The following NRXN1 variants were observed in gnomAD, a reference collection of about 807,000 sequenced individuals.
The protein encoded by NRXN1 is neurexin-1.
In NRXN1, 39 loss-of-function variants were observed where a neutral mutation model predicts 150.9. That is an observed-to-expected ratio of 0.26 (90% CI 0.20 to 0.34). NRXN1 has a LOEUF of 0.34. Ranked by LOEUF, NRXN1 falls within the 10% of genes least tolerant of loss-of-function variation. The probability of loss-of-function intolerance (pLI) is 1.00; values close to 1 mark genes in which losing one functional copy is unlikely to be tolerated. For synonymous variants in NRXN1, 924 were observed against 757.0 expected, an observed-to-expected ratio of 1.22 and a Z score of -3.62; for missense variants, 1,815 against 1,949.9, an observed-to-expected ratio of 0.93 and a Z score of 1.30.
In NRXN1 at chr2:50,284,143, C is replaced by A. The variant is rs79492194; in HGVS notation, c.3365-47173G>T. ...CTTTCTCTTGGAAATTATGGTGATTCTCTGACATAACACTGGTACAGTGAC... is the reference window on the plus strand; with the variant it reads ...CTTTCTCTTGGAAATTATGGTGATTATCTGACATAACACTGGTACAGTGAC... On this transcript the variant is annotated intron_variant, in intron 17 of 22. Transcript: ENST00000401669. 7.5e-3 allele frequency among the ~76,000 whole-genome samples: 1,136 copies of A among 152,298 alleles called. 4 individuals carry two copies. Among genetic ancestry groups the A allele is most frequent in the Non-Finnish European group, 0.012 (801 of 68,014 alleles).
intron 2 of NRXN1, among the ~76,000 whole-genome samples, chr2:50,941,027 C>T (rs983543530): frequency 2.6e-5 from 4 of 152,120 alleles, no homozygotes; most frequent in Non-Finnish European, 5.9e-5. Flanking sequence ...ATCACAGGTG[C>T]AAACTTCCCC....
chr2:50,891,772 A>T (rs150120148), intron 5 of NRXN1, among the ~76,000 whole-genome samples: 19 of 152,212 alleles, frequency 1.2e-4, no homozygotes, highest in Non-Finnish European at 5.9e-5. Context: ...GATCAGGGTA[A>T]ACTCTTGTTT....
intron 22 of NRXN1, among the ~76,000 whole-genome samples, chr2:49,923,497 TGTGTGTGTATGA>T (rs1668572607): frequency 6.6e-6 from 1 of 152,160 alleles, no homozygotes. Context: ...TAGATAAGAA[TGTGTGTGTATGA>T]GTGTGTGTTC....
chr2:50,948,744 G>C (rs531699786), intron 2 of NRXN1, among the ~76,000 whole-genome samples: 2 of 152,080 alleles, frequency 1.3e-5, no homozygotes, highest in African/African-American at 4.8e-5. Context: ...CACTAATTGA[G>C]CCCAGTTACT....
chr2:50,324,280 G>A (rs1428766054), intron 17 of NRXN1, among the ~76,000 whole-genome samples: 1 of 152,162 alleles, frequency 6.6e-6, no homozygotes, highest in Admixed American at 6.5e-5. Flanking sequence ...TTAGGCAACC[G>A]ATTAAATGCA....
chr2:50,862,137 G>C (rs1376604738), intron 5 of NRXN1, among the ~76,000 whole-genome samples: 1 of 151,608 alleles, frequency 6.6e-6, no homozygotes, highest in African/African-American at 2.4e-5. Flanking sequence ...GGGAGGCAGA[G>C]GTTTCAGTGA....
chr2:50,042,963 T>C (rs188411381), intron 21 of NRXN1, among the ~76,000 whole-genome samples: 1 of 152,070 alleles, frequency 6.6e-6, no homozygotes, highest in Non-Finnish European at 1.5e-5. Flanking sequence ...ATTAACTAGA[T>C]CACAGGTACA....
intron 5 of NRXN1, among the ~76,000 whole-genome samples, chr2:50,660,999 A>C (rs1261363836): frequency 6.6e-6 from 1 of 152,040 alleles, no homozygotes; most frequent in Non-Finnish European, 1.5e-5. Context: ...ATGAAATTGT[A>C]AGGGAAAGGA....
At chr2:50,412,812 G>T (rs1282425846) in intron 17 of NRXN1, among the ~76,000 whole-genome samples, 1 of 152,030 alleles carries the variant, frequency 6.6e-6, no homozygotes, top group South Asian at 2.1e-4. Context: ...TTCAACAAAG[G>T]CACCAAAAAC....
intron 8 of NRXN1, among the ~76,000 whole-genome samples, chr2:50,612,376 GT>G (rs199814750): frequency 6.6e-6 from 1 of 151,690 alleles, no homozygotes; most frequent in Non-Finnish European, 1.5e-5. Flanking sequence ...CCAAAAACTT[GT>G]TTTTTTTCTT....
At chr2:49,957,536 G>A (rs1675195250) in intron 21 of NRXN1, among the ~76,000 whole-genome samples, 3 of 152,084 alleles carry the variant, frequency 2.0e-5, no homozygotes, top group Non-Finnish European at 4.4e-5. Context: ...ACACATCCAT[G>A]TTTAAATATT....
At chr2:50,885,076 T>A (rs1224325106) in intron 5 of NRXN1, among the ~76,000 whole-genome samples, 1 of 151,676 alleles carries the variant, frequency 6.6e-6, no homozygotes, top group African/African-American at 2.4e-5. Flanking sequence ...GTATCTAATA[T>A]TACTAAGCAA....
At chr2:50,742,458 A>G (rs1216418336) in intron 5 of NRXN1, among the ~76,000 whole-genome samples, 1 of 151,822 alleles carries the variant, frequency 6.6e-6, no homozygotes, top group Non-Finnish European at 1.5e-5. Flanking sequence ...AATAACAAAA[A>G]TTAGCGGGGC....
intron 5 of NRXN1, among the ~76,000 whole-genome samples, chr2:50,863,797 T>TA (rs1479740979): frequency 6.6e-6 from 1 of 151,964 alleles, no homozygotes; most frequent in African/African-American, 2.4e-5. Context: ...AGTCAGACAT[T>TA]AAAAAACTGT....
At chr2:50,970,005 C>G (rs1350284575) in intron 2 of NRXN1, among the ~76,000 whole-genome samples, 1 of 152,102 alleles carries the variant, frequency 6.6e-6, no homozygotes, top group East Asian at 1.9e-4. Flanking sequence ...GTCTATCTGT[C>G]TAGACTCTTC....
At chr2:50,945,016 T>A (rs7579976) in intron 2 of NRXN1, among the ~76,000 whole-genome samples, 2 of 151,962 alleles carry the variant, frequency 1.3e-5, no homozygotes, top group African/African-American at 4.8e-5. Context: ...CATTCTAACA[T>A]CTACAAAGAG....
At chr2:51,014,590 G>T (rs943992349) in intron 2 of NRXN1, among the ~76,000 whole-genome samples, 42 of 152,096 alleles carry the variant, frequency 2.8e-4, no homozygotes, top group Middle Eastern at 3.4e-3. Context: ...ATGTGAAAGG[G>T]TGTGGAGGAT....
chr2:50,279,131 T>C (rs1164550528), intron 17 of NRXN1, among the ~76,000 whole-genome samples: 2 of 152,182 alleles, frequency 1.3e-5, no homozygotes, highest in Admixed American at 6.5e-5. Context: ...CATTGGCCTG[T>C]ACAAAATACA....
At chr2:49,977,380 A>G (rs1324150210) in intron 21 of NRXN1, among the ~76,000 whole-genome samples, 1 of 152,168 alleles carries the variant, frequency 6.6e-6, no homozygotes, top group Non-Finnish European at 1.5e-5. Flanking sequence ...GAATGCTGCT[A>G]ATCATTCTAT....
Sources: allele counts gnomAD v4.1 joint callset (sites outside exome capture counted in the v4.1 genomes callset), GRCh38; gene constraint gnomAD v4.1.1; transcripts MANE v1.5; gene names NCBI Gene and HGNC (gene_info 2026-07-23, HGNC 2026-07-21).